The following HTR2C variants were observed in gnomAD, a reference collection of about 807,000 sequenced individuals.
HTR2C encodes the protein 5-hydroxytryptamine (serotonin) receptor 2C, G protein-coupled.
A neutral mutation model predicts 21.0 loss-of-function variants in HTR2C; 5 were observed. The observed-to-expected ratio is 0.24, with a 90% CI of 0.12 to 0.50. The LOEUF (loss-of-function observed/expected upper bound fraction) is 0.50, where lower values mean the gene tolerates loss of function less well. HTR2C is among the 20% of genes least tolerant of loss of function. The pLI, the probability that HTR2C is intolerant of heterozygous loss-of-function variation, is 0.98. For missense variants in HTR2C, 271 were observed against 371.2 expected, an observed-to-expected ratio of 0.73 and a Z score of 2.22; for synonymous variants, 150 against 145.3, an observed-to-expected ratio of 1.03 and a Z score of -0.23.
chrX:114,806,723 C>T (rs2070451343), intron 4 of HTR2C, among the ~76,000 whole-genome samples: 1 of 83,455 alleles, frequency 1.2e-5, no homozygotes, highest in Non-Finnish European at 2.4e-5. Flanking sequence ...TAGATATATA[C>T]ACCATATATA....
At chrX:114,606,483 C>T (rs782537726) in intron 1 of HTR2C, among the ~76,000 whole-genome samples, 4 of 111,439 alleles carry the variant, frequency 3.6e-5, no homozygotes, top group African/African-American at 6.5e-5. Context: ...CCGTGACCGG[C>T]GCCGGAGTTT....
At chrX:114,616,964 A>G (rs998102586) in intron 2 of HTR2C, among the ~76,000 whole-genome samples, 3 of 111,998 alleles carry the variant, frequency 2.7e-5, no homozygotes, top group Non-Finnish European at 5.6e-5. Context: ...TATAATCGTC[A>G]CTCTCTTGAC....
At chrX:114,717,605 A>C (rs782651792) in intron 2 of HTR2C, 2 of 111,866 alleles carry the variant, frequency 1.8e-5, no homozygotes, top group Admixed American at 1.9e-4. Flanking sequence ...AAAAAGAATA[A>C]AAAGTAGTGT....
chrX:114,623,505 A>G (rs1309712187), intron 2 of HTR2C, among the ~76,000 whole-genome samples: 2 of 112,053 alleles, frequency 1.8e-5, no homozygotes, highest in Non-Finnish European at 3.8e-5. Flanking sequence ...AACCGTATAA[A>G]TTTTCTCTTG....
intron 2 of HTR2C, among the ~76,000 whole-genome samples, chrX:114,705,620 G>A (rs1322599815): frequency 3.9e-5 from 4 of 101,632 alleles, no homozygotes; most frequent in African/African-American, 1.1e-4. Context: ...AGAAAACCTA[G>A]GCATTACCAT....
chrX:114,597,004 G>T (rs1478849704), intron 1 of HTR2C, among the ~76,000 whole-genome samples: 1 of 110,098 alleles, frequency 9.1e-6, no homozygotes, highest in Non-Finnish European at 1.9e-5. Context: ...GATCACATGA[G>T]GCCAGGAGTT....
At chrX:114,755,001 A>C (rs1384403176) in intron 4 of HTR2C, among the ~76,000 whole-genome samples, 1 of 111,608 alleles carries the variant, frequency 9.0e-6, no homozygotes, top group Non-Finnish European at 1.9e-5. Flanking sequence ...GCACTTTGGG[A>C]GGCCAAGGCG....
intron 2 of HTR2C, among the ~76,000 whole-genome samples, chrX:114,684,066 C>T (rs912531740): frequency 9.0e-6 from 1 of 111,599 alleles, no homozygotes; most frequent in South Asian, 3.7e-4. Context: ...TTCATAAATT[C>T]TATTTTAATA....
At chrX:114,684,080 T>C (rs782252405) in intron 2 of HTR2C, among the ~76,000 whole-genome samples, 2 of 112,035 alleles carry the variant, frequency 1.8e-5, no homozygotes, top group African/African-American at 3.2e-5. Flanking sequence ...TTTAATAACA[T>C]AAGCGAAGAG....
chrX:114,776,416 G>A (rs781976427), intron 4 of HTR2C: 12 of 741,772 alleles, frequency 1.6e-5, no homozygotes, highest in African/African-American at 1.5e-4. Context: ...GGACCATAGA[G>A]GACACCTCCT....
intron 5 of HTR2C, among the ~76,000 whole-genome samples, chrX:114,892,622 C>T (rs1449560504): frequency 9.1e-6 from 1 of 110,463 alleles, no homozygotes; most frequent in East Asian, 2.8e-4. Flanking sequence ...TCCATATACT[C>T]ACAACAAGTA....
intron 2 of HTR2C, among the ~76,000 whole-genome samples, chrX:114,707,228 A>G (rs1416423397): frequency 1.8e-5 from 2 of 110,489 alleles, no homozygotes; most frequent in Non-Finnish European, 3.8e-5. Flanking sequence ...AACTTCTTAA[A>G]GGCATTTCTA....
intron 5 of HTR2C, among the ~76,000 whole-genome samples, chrX:114,881,963 C>T (rs1443577102): frequency 9.0e-6 from 1 of 110,536 alleles, no homozygotes; most frequent in African/African-American, 3.3e-5. Flanking sequence ...TATTTCAAAT[C>T]TAATCCATGA....
At chrX:114,619,494 C>G (rs1340304975) in intron 2 of HTR2C, among the ~76,000 whole-genome samples, 1 of 111,112 alleles carries the variant, frequency 9.0e-6, no homozygotes, top group Admixed American at 9.7e-5. Context: ...ATAGTTGGGC[C>G]CCACTGATCT....
chrX:114,590,653 A>C (rs1320293799), intron 1 of HTR2C, among the ~76,000 whole-genome samples: 1 of 112,321 alleles, frequency 8.9e-6, no homozygotes, highest in Non-Finnish European at 1.9e-5. Context: ...AAGGCATCTA[A>C]CAGAATAACA....
At chrX:114,616,493 G>T (rs1928953828) in intron 2 of HTR2C, among the ~76,000 whole-genome samples, 1 of 110,500 alleles carries the variant, frequency 9.0e-6, no homozygotes, top group Non-Finnish European at 1.9e-5. Context: ...CACCATGTTG[G>T]TCAGGCTGGT....
chrX:114,662,012 C>G (rs782192870), intron 2 of HTR2C, among the ~76,000 whole-genome samples: 14 of 111,741 alleles, frequency 1.3e-4, no homozygotes, highest in Non-Finnish European at 2.4e-4. Flanking sequence ...ATTACACAGT[C>G]AATATGTTAT....
chrX:114,615,833 C>T (rs1290557225), intron 2 of HTR2C, among the ~76,000 whole-genome samples: 1 of 111,974 alleles, frequency 8.9e-6, no homozygotes, highest in African/African-American at 3.2e-5. Context: ...TTGCTCTTAT[C>T]TAGGTATTAA....
At position 114,897,798 on chromosome X, in the gene HTR2C, A is replaced by G. The variant is rs782330040; in HGVS notation, c.551-8791A>G. On this transcript the variant is annotated intron_variant, in intron 5 of 5. Transcript: ENST00000276198. ...ATATGTACCACATTTTCTTTATCCA[A>G]TCTATCATTGATGGGCATTTGGGTT... Among the ~76,000 whole-genome samples, 15 of 112,207 alleles carry G rather than the reference A, an allele frequency of 1.3e-4. No individual in the cohort carries two copies. In the South Asian group the frequency reaches 5.2e-3, roughly 39 times the overall value.
Sources: allele counts gnomAD v4.1 joint callset (sites outside exome capture counted in the v4.1 genomes callset), GRCh38; gene constraint gnomAD v4.1.1; transcripts MANE v1.5; gene names NCBI Gene and HGNC (gene_info 2026-07-23, HGNC 2026-07-21).